The following DOK6 variants were observed in gnomAD, a reference collection of about 807,000 sequenced individuals.
DOK6 encodes the protein downstream of tyrosine kinase 6.
A neutral mutation model predicts 44.0 loss-of-function variants in DOK6; 22 were observed. The observed-to-expected ratio is 0.50, with a 90% confidence interval of 0.36 to 0.71. The LOEUF is 0.71. DOK6 is among the 30% of genes least tolerant of loss of function. The pLI, the probability that DOK6 is intolerant of heterozygous loss-of-function variation, is 0.00. For synonymous variants in DOK6, 166 were observed against 145.5 expected, an observed-to-expected ratio of 1.14 and a Z score of -1.01; for missense variants, 340 against 416.4, an observed-to-expected ratio of 0.82 and a Z score of 1.60.
At chr18:69,757,650 T>C (rs1318185573) in intron 6 of DOK6, 106 bp from the exon 7 acceptor site, 5 of 864,830 alleles carry the variant, frequency 5.8e-6, no homozygotes, top group South Asian at 4.3e-5. Context: ...CAGGTATCTA[T>C]AGCAGATTCT....
chr18:69,544,878 C>G (rs1234167005), intron 1 of DOK6, among the ~76,000 whole-genome samples: 1 of 151,428 alleles, frequency 6.6e-6, no homozygotes, highest in Non-Finnish European at 1.5e-5. Context: ...CGCCTGTAAT[C>G]CTAGCACTTT....
chr18:69,631,849 T>C (rs1422273592), intron 3 of DOK6, among the ~76,000 whole-genome samples: 1 of 152,254 alleles, frequency 6.6e-6, no homozygotes, highest in Non-Finnish European at 1.5e-5. Flanking sequence ...ACCTGTTTCC[T>C]GAAAATACAT....
At chr18:69,651,023 A>C (rs1279965988) in intron 3 of DOK6, among the ~76,000 whole-genome samples, 1 of 152,224 alleles carries the variant, frequency 6.6e-6, no homozygotes, top group East Asian at 1.9e-4. Flanking sequence ...TTTAAAAAGC[A>C]GTCTTAGACT....
chr18:69,709,254 G>A (rs781540502), intron 5 of DOK6, among the ~76,000 whole-genome samples: 1 of 152,086 alleles, frequency 6.6e-6, no homozygotes, highest in Non-Finnish European at 1.5e-5. Context: ...AATCTAATGA[G>A]TGCTAGGAAT....
At chr18:69,513,129 T>A (rs1452883310) in intron 1 of DOK6, among the ~76,000 whole-genome samples, 2 of 152,354 alleles carry the variant, frequency 1.3e-5, no homozygotes, top group East Asian at 3.9e-4. Context: ...GTTCACTAAA[T>A]GTAATGCATG....
At chr18:69,432,696 T>C (rs1255401869) in intron 1 of DOK6, among the ~76,000 whole-genome samples, 4 of 152,212 alleles carry the variant, frequency 2.6e-5, no homozygotes, top group Non-Finnish European at 5.9e-5. Flanking sequence ...TTGGTGGTGT[T>C]ACTGCATAGG....
intron 7 of DOK6, among the ~76,000 whole-genome samples, chr18:69,774,659 C>T (rs1321250196): frequency 6.6e-6 from 1 of 151,874 alleles, no homozygotes; most frequent in East Asian, 1.9e-4. Context: ...AGGAGGAAAT[C>T]ATTCAGCGTG....
chr18:69,433,520 G>C (rs1017821137), intron 1 of DOK6, among the ~76,000 whole-genome samples: 1 of 152,042 alleles, frequency 6.6e-6, no homozygotes, highest in African/African-American at 2.4e-5. Flanking sequence ...ATTCCAGATA[G>C]AGATAAAGCT....
intron 6 of DOK6, among the ~76,000 whole-genome samples, chr18:69,746,910 C>T (rs1305699238): frequency 1.3e-5 from 2 of 152,176 alleles, no homozygotes; most frequent in African/African-American, 2.4e-5. Context: ...GTGTAATTCT[C>T]ATCTTATCTG....
At chr18:69,766,373 A>G (rs1979716736) in intron 7 of DOK6, among the ~76,000 whole-genome samples, 1 of 152,220 alleles carries the variant, frequency 6.6e-6, no homozygotes, top group African/African-American at 2.4e-5. Context: ...AACCCTGCAC[A>G]TGTACCCACT....
chr18:69,429,661 A>ATC (rs1978748822), intron 1 of DOK6, among the ~76,000 whole-genome samples: 1 of 103,128 alleles, frequency 9.7e-6, no homozygotes, highest in Non-Finnish European at 2.0e-5. Flanking sequence ...ATATATATAT[A>ATC]TATCTTATTA....
intron 5 of DOK6, among the ~76,000 whole-genome samples, chr18:69,710,095 C>T (rs189520438): frequency 4.3e-4 from 65 of 152,336 alleles, no homozygotes; most frequent in African/African-American, 1.5e-3. Flanking sequence ...GAGAGAATCA[C>T]CTGAACCCGG....
At chr18:69,820,034 G>A (rs934354977) in intron 7 of DOK6, among the ~76,000 whole-genome samples, 6 of 152,134 alleles carry the variant, frequency 3.9e-5, no homozygotes, top group African/African-American at 1.4e-4. Context: ...GGTTAGACAG[G>A]CTTGTTTTAG....
intron 7 of DOK6, among the ~76,000 whole-genome samples, chr18:69,785,740 C>T (rs1980410605): frequency 6.6e-6 from 1 of 152,146 alleles, no homozygotes; most frequent in Non-Finnish European, 1.5e-5. Flanking sequence ...TCATTCCTGA[C>T]ATTACGTTGT....
chr18:69,791,034 G>A (rs891563619), intron 7 of DOK6, among the ~76,000 whole-genome samples: 1 of 147,272 alleles, frequency 6.8e-6, no homozygotes, highest in African/African-American at 2.5e-5. Flanking sequence ...TGCAAAGCTT[G>A]TTTTTCTGTG....
chr18:69,581,440 T>C (rs1423935382), intron 2 of DOK6, among the ~76,000 whole-genome samples: 55 of 152,242 alleles, frequency 3.6e-4, no homozygotes, highest in Admixed American at 3.6e-3. Context: ...AGTAAACCTT[T>C]AAAGTTCTGC....
intron 1 of DOK6, among the ~76,000 whole-genome samples, chr18:69,552,660 G>A (rs1293573311): frequency 6.6e-6 from 1 of 152,136 alleles, no homozygotes; most frequent in African/African-American, 2.4e-5. Context: ...ATTATAATCT[G>A]CATGTTATTC....
chr18:69,567,943 G>A (rs562574964), intron 2 of DOK6, among the ~76,000 whole-genome samples: 10 of 152,282 alleles, frequency 6.6e-5, no homozygotes, highest in East Asian at 1.9e-4. Flanking sequence ...GGCTCCTGCC[G>A]CTCCCACTCA....
intron 1 of DOK6, among the ~76,000 whole-genome samples, chr18:69,545,028 G>A (rs1436521810): frequency 6.6e-6 from 1 of 150,748 alleles, no homozygotes; most frequent in Non-Finnish European, 1.5e-5. Flanking sequence ...GGCTGAGGCA[G>A]GAGAATCACT....
Sources: gnomAD v4.1 joint callset for allele counts (sites outside exome capture counted in the v4.1 genomes callset) on GRCh38, gnomAD v4.1.1 for gene constraint, MANE v1.5 for transcripts, NCBI Gene and HGNC (gene_info 2026-07-23, HGNC 2026-07-21) for gene names.